The following CHRNA9 variants were observed in gnomAD, a reference collection of about 807,000 sequenced individuals.
CHRNA9 encodes cholinergic receptor nicotinic alpha 9 subunit, also known as neuronal acetylcholine receptor subunit alpha-9.
CHRNA9 carries 24 observed loss-of-function variants against 36.8 expected under a neutral mutation model. The ratio of observed to expected loss-of-function variants is 0.65; its 90% CI spans 0.47 to 0.92. The LOEUF (loss-of-function observed/expected upper bound fraction) is 0.92. Among genes scored for constraint, CHRNA9 ranks in the 40% least tolerant of loss-of-function variants. CHRNA9 has a pLI of 0.00. For synonymous variants in CHRNA9, 231 were observed against 231.8 expected (o/e 1.00, Z 0.03); for missense variants, 610 against 601.2 (o/e 1.01, Z -0.15).
intron 4 of CHRNA9, among the ~76,000 whole-genome samples, chr4:40,353,218 C>A (rs73146132): frequency 6.6e-6 from 1 of 151,964 alleles, no homozygotes; most frequent in African/African-American, 2.4e-5. Context: ...TAGCCCGGCG[C>A]GGTGGCTCAC....
At position 40,354,239 on chromosome 4, in the gene CHRNA9, A is replaced by G; in HGVS notation, c.1159A>G (p.Asn387Asp). Reference protein sequence around the residue: ...LPESNLKAARNKDLSRKKDMN... With the variant: ...LPESNLKAARDKDLSRKKDMN... ...AGAGTCTAACCTGAAAGCAGCCAGG[A>G]ACAAAGACCTTTCCAGAAAGAAGGA... Residue 387 changes from asparagine (N) to aspartate (D), a missense_variant, in exon 5 of 5, where the codon AAC becomes GAC. Physicochemically the swap from Asn to Asp is conservative, Grantham distance 23. Coordinates refer to ENST00000310169, the MANE Select transcript of CHRNA9 (RefSeq NM_017581.4). 6.2e-7 allele frequency: 1 copy of G among 1,614,256 alleles called. No homozygotes were observed. The highest frequency in any genetic ancestry group is 1.1e-5 in the South Asian group (1 of 91,092).
intron 1 of CHRNA9, 142 bp downstream of exon 1, chr4:40,335,673 T>C: frequency 1.0e-6 from 1 of 987,740 alleles, no homozygotes; most frequent in Non-Finnish European, 1.6e-6. Flanking sequence ...CTGATCTTGG[T>C]AGGGCATGCC....
rs1712295752 is a variant in CHRNA9, at chr4:40,335,695, T to TAATC, written c.65-132_65-131insAATC. 2.9e-6 allele frequency: 3 copies of TAATC among 1,040,156 alleles called. No individual in the cohort carries two copies. In the African/African-American group the frequency reaches 4.7e-5, roughly 16 times the overall value. 64.4% of individuals were successfully genotyped at this position (1,040,156 alleles called of 1,614,324 possible). On this transcript the variant is annotated intron_variant, in intron 1 of 4. Coordinates refer to ENST00000310169, the MANE Select transcript of CHRNA9 (RefSeq NM_017581.4). Reference sequence around the variant, plus strand: ...TGGTAGGGCATGCCAGAAAAACAACTCATCCATCCACCCAAAGCTTGTCCC... The same window carrying TAATC: ...TGGTAGGGCATGCCAGAAAAACAACTAATCCATCCATCCACCCAAAGCTTGTCCC...
At chr4:40,347,389 C>G (rs961285406) in intron 3 of CHRNA9, among the ~76,000 whole-genome samples, 1 of 152,098 alleles carries the variant, frequency 6.6e-6, no homozygotes, top group African/African-American at 2.4e-5. Context: ...CTTATAAATA[C>G]AAAAACTGGA....
At chr4:40,344,426 C>T (rs754559527) in intron 3 of CHRNA9, among the ~76,000 whole-genome samples, 14 of 151,608 alleles carry the variant, frequency 9.2e-5, no homozygotes, top group East Asian at 1.9e-4. Flanking sequence ...CCCAGCTACT[C>T]GGGAGGCTGA....
chr4:40,350,437 G>T (rs1238103128), intron 4 of CHRNA9, among the ~76,000 whole-genome samples: 1 of 152,036 alleles, frequency 6.6e-6, no homozygotes, highest in Non-Finnish European at 1.5e-5. Context: ...GGATACCCTT[G>T]AGATCCAACA....
intron 3 of CHRNA9, among the ~76,000 whole-genome samples, chr4:40,339,120 A>G (rs1712415858): frequency 6.8e-6 from 1 of 146,484 alleles, no homozygotes; most frequent in South Asian, 2.2e-4. Flanking sequence ...TTTATTAAAA[A>G]TACAAAAAAT....
rs6819816 is a variant in CHRNA9 at position 40,354,763 on chromosome 4, G to A, written c.*243G>A. ...GAGCCCTTTTATAGCCCACCGTAGT[G>A]GTGGGTGACTGGCCTCTAGTTTATA... On this transcript the variant is annotated 3_prime_UTR_variant, in exon 5 of 5. Transcript: ENST00000310169. 0.19 allele frequency: 79,537 copies of A among 411,902 alleles called. 9,227 individuals carry two copies. Among genetic ancestry groups the A allele is most frequent in the Non-Finnish European group, 0.25 (56,884 of 230,606 alleles). 25.5% of individuals were successfully genotyped at this position (411,902 alleles called of 1,614,324 possible). A position where few individuals can be genotyped will look rare whatever the true frequency, so the allele number is the denominator to read the frequency against.
chr4:40,350,145 C>T (rs1712752543), intron 4 of CHRNA9, among the ~76,000 whole-genome samples: 1 of 152,136 alleles, frequency 6.6e-6, no homozygotes, highest in Admixed American at 6.5e-5. Context: ...CTGACATCTA[C>T]CCTTAACAGA....
intron 3 of CHRNA9, among the ~76,000 whole-genome samples, chr4:40,345,494 CTG>C (rs1712613672): frequency 6.6e-6 from 1 of 152,054 alleles, no homozygotes; most frequent in African/African-American, 2.4e-5. Flanking sequence ...GGCAGATTAC[CTG>C]AGGTCAGGAG....
Position 40,335,547 on chromosome 4 carries a change from C to A in CHRNA9, c.64+16C>A. The A allele has an allele frequency of 6.3e-7, 1 of 1,597,926 alleles. No individual in the cohort carries two copies. The highest frequency in any genetic ancestry group is 1.3e-5 in the African/African-American group (1 of 74,756). On this transcript the variant is annotated intron_variant, in intron 1 of 4. Coordinates refer to ENST00000310169, the MANE Select transcript of CHRNA9 (RefSeq NM_017581.4). Reference sequence around the variant, plus strand: ...AGACTGAGAGGTGAGAGGCTGGTGACACGTAACCTATCTTGTCTCATCTGG... The same window carrying A: ...AGACTGAGAGGTGAGAGGCTGGTGAAACGTAACCTATCTTGTCTCATCTGG...
chr4:40,348,011 G>C (rs568359636), intron 3 of CHRNA9: 1 of 152,362 alleles, frequency 6.6e-6, no homozygotes, highest in South Asian at 2.1e-4. Flanking sequence ...TAAACAACCA[G>C]CTCTTGGAAA....
Position 40,335,904 on chromosome 4 carries a change from C to T in CHRNA9, c.142C>T (p.Pro48Ser). 1 of 1,611,012 alleles carries T rather than the reference C, an allele frequency of 6.2e-7. No individual in the cohort carries two copies. Among genetic ancestry groups the T allele is most frequent in the Non-Finnish European group, 8.5e-7 (1 of 1,177,132 alleles). ...TGAAGATTATTCTAATGCTCTTCGT[C>T]CAGTGGAAGATACAGATAAAGTCCT... ...LFEDYSNALR[P>S]VEDTDKVLNV... The change falls in exon 2 of 5, where the codon CCA becomes TCA. Residue 48 changes from proline to serine, a missense_variant. Coordinates refer to ENST00000310169, the MANE Select transcript of CHRNA9 (RefSeq NM_017581.4).
intron 3 of CHRNA9, among the ~76,000 whole-genome samples, chr4:40,344,405 G>A (rs1712580362): frequency 6.6e-6 from 1 of 151,948 alleles, no homozygotes; most frequent in South Asian, 2.1e-4. Context: ...ATGGTGGTGG[G>A]AGCCTGTAAT....
intron 3 of CHRNA9, among the ~76,000 whole-genome samples, chr4:40,337,879 T>G (rs1712373326): frequency 6.6e-6 from 1 of 152,214 alleles, no homozygotes; most frequent in Non-Finnish European, 1.5e-5. Flanking sequence ...GTGTGTTCCC[T>G]GTGTCCAAAT....
intron 3 of CHRNA9, 102 bp from the exon 4 acceptor site, chr4:40,348,780 T>C (rs1368400333): frequency 8.6e-7 from 1 of 1,161,090 alleles, no homozygotes; most frequent in African/African-American, 1.5e-5. Flanking sequence ...TGGTGGTCCA[T>C]TGCCAAAACA....
At chr4:40,350,210 G>A (rs1429533546) in intron 4 of CHRNA9, among the ~76,000 whole-genome samples, 1 of 152,124 alleles carries the variant, frequency 6.6e-6, no homozygotes. Context: ...TAAAATGCAA[G>A]TTCCTACACC....
At chr4:40,344,764 G>A (rs913729534) in intron 3 of CHRNA9, among the ~76,000 whole-genome samples, 6 of 152,214 alleles carry the variant, frequency 3.9e-5, no homozygotes, top group African/African-American at 1.2e-4. Flanking sequence ...AGAATTTTAA[G>A]ACCCAGTCTC....
In CHRNA9 at chr4:40,354,231, C is replaced by G. The variant is rs1468744678; in HGVS notation, c.1151C>G (p.Ala384Gly). 2 of 1,614,112 alleles carry G rather than the reference C, an allele frequency of 1.2e-6. No individual in the cohort carries two copies. The highest frequency in any genetic ancestry group is 4.5e-5 in the East Asian group (2 of 44,902). ...YSKLPESNLK[A>G]ARNKDLSRKK... ...AAACTCCCAGAGTCTAACCTGAAAG[C>G]AGCCAGGAACAAAGACCTTTCCAGA... Residue 384 changes from alanine to glycine, a missense_variant, in exon 5 of 5, where the codon GCA becomes GGA. By Grantham distance (60) the Ala-to-Gly change is moderately conservative. Coordinates refer to ENST00000310169, the MANE Select transcript of CHRNA9 (RefSeq NM_017581.4).
Sources: allele counts gnomAD v4.1 joint callset (sites outside exome capture counted in the v4.1 genomes callset), GRCh38; gene constraint gnomAD v4.1.1; transcripts MANE v1.5; gene names NCBI Gene and HGNC (gene_info 2026-07-23, HGNC 2026-07-21).